C3orf49: variants seen among roughly 807,000 people sequenced by gnomAD.
C3orf49 encodes chromosome 3 open reading frame 49.
In C3orf49, 27 loss-of-function variants were observed where a neutral mutation model predicts 13.3. The ratio of observed to expected loss-of-function variants is 2.02; its 90% CI spans 1.49 to 2.79. The LOEUF (loss-of-function observed/expected upper bound fraction) is 2.79. C3orf49 is among the 30% of genes most tolerant of loss of function. The probability of loss-of-function intolerance (pLI) is 0.00; values close to 1 mark genes in which losing one functional copy is unlikely to be tolerated. For synonymous variants in C3orf49, 87 were observed against 47.6 expected, an observed-to-expected ratio of 1.83 and a Z score of -3.40; for missense variants, 242 against 134.2, an observed-to-expected ratio of 1.80 and a Z score of -3.97.
At position 63,831,715 on chromosome 3, in the gene C3orf49, C is replaced by T. The variant is rs529437102; in HGVS notation, c.720C>T (p.Ser240=). 1.4e-6 allele frequency: 1 copy of T among 702,966 alleles called. No individual in the cohort carries two copies. The highest frequency in any genetic ancestry group is 2.6e-6 in the Non-Finnish European group (1 of 385,046). The allele number at this position is 702,966 out of a possible 1,614,324, so 43.5% of individuals were successfully genotyped here. A position where few individuals can be genotyped will look rare whatever the true frequency, so the allele number is the denominator to read the frequency against. ...DDLIETVTDK[S]MKLLAQRHAE... ...TCATAGAAACAGTGACTGATAAATC[C>T]ATGAAGCTACTGGCCCAAAGACATG... Residue 240 remains serine, a synonymous_variant, in exon 5 of 7, where the codon TCC becomes TCT. Coordinates refer to ENST00000295896, the MANE Select transcript of C3orf49 (RefSeq NM_001355236.2).
the C3orf49 span, among the ~76,000 whole-genome samples, chr3:63,806,671 G>C: frequency 6.6e-6 from 1 of 151,920 alleles, no homozygotes; most frequent in East Asian, 1.9e-4. Context: ...CACTTCTCTA[G>C]TCCACCTCTA....
the C3orf49 span, among the ~76,000 whole-genome samples, chr3:63,790,221 G>A: frequency 1.3e-5 from 2 of 152,118 alleles, no homozygotes; most frequent in South Asian, 2.1e-4. Context: ...TGACCTAGCC[G>A]GATTTTCTCA....
At chr3:63,814,886 G>A (rs1441574335), upstream of C3orf49, among the ~76,000 whole-genome samples, 2 of 152,132 alleles carry the variant, frequency 1.3e-5, no homozygotes, top group African/African-American at 4.8e-5. Flanking sequence ...CTAAAAAAAA[G>A]GTTTAATTGA....
the C3orf49 span, among the ~76,000 whole-genome samples, chr3:63,807,341 A>C: frequency 6.6e-6 from 1 of 152,074 alleles, no homozygotes; most frequent in Admixed American, 6.6e-5. Context: ...TTTAATCCTC[A>C]CAACAACCCT....
the C3orf49 span, among the ~76,000 whole-genome samples, chr3:63,801,627 A>T: frequency 6.6e-6 from 1 of 152,210 alleles, no homozygotes; most frequent in South Asian, 2.1e-4. Flanking sequence ...GCATTAAATA[A>T]AGTAGTACAG....
chr3:63,802,833 C>T, the C3orf49 span, among the ~76,000 whole-genome samples: 1 of 151,962 alleles, frequency 6.6e-6, no homozygotes, highest in Admixed American at 6.6e-5. Flanking sequence ...TTATCAGACC[C>T]CCAAATCAGT....
At chr3:63,815,408 A>T (rs1701312647), upstream of C3orf49, among the ~76,000 whole-genome samples, 1 of 152,096 alleles carries the variant, frequency 6.6e-6, no homozygotes, top group African/African-American at 2.4e-5. Context: ...ATGACTTTTC[A>T]ACACTCACTT....
chr3:63,806,911 C>CA, the C3orf49 span, among the ~76,000 whole-genome samples: 1 of 151,736 alleles, frequency 6.6e-6, no homozygotes, highest in Non-Finnish European at 1.5e-5. Flanking sequence ...ACTCTAACTG[C>CA]AAAAAATGTG....
the C3orf49 span, among the ~76,000 whole-genome samples, chr3:63,804,541 A>G: frequency 6.6e-6 from 1 of 152,016 alleles, no homozygotes; most frequent in African/African-American, 2.4e-5. Flanking sequence ...TTCTTTATCT[A>G]TTCAATTCCT....
rs2678352 is a variant in C3orf49, at chr3:63,839,964, T to C, written c.850-5059T>C. On this transcript the variant is annotated intron_variant, in intron 5 of 6. Transcript: ENST00000295896. ...TTTATGTTATGCATAGTTTATGTTA[T>C]TGTATATAATAAAAAATATTTATAT... Among the ~76,000 whole-genome samples the C allele has an allele frequency of 0.18, 27,133 of 152,192 alleles. 2,447 individuals carry two copies. Among genetic ancestry groups the C allele is most frequent in the African/African-American group, 0.19 (7,749 of 41,520 alleles).
At chr3:63,810,505 T>C in the C3orf49 span, among the ~76,000 whole-genome samples, 2 of 152,208 alleles carry the variant, frequency 1.3e-5, no homozygotes, top group African/African-American at 4.8e-5. Flanking sequence ...ATCAAGCCTA[T>C]TGACCTATGG....
chr3:63,783,815 A>G, the C3orf49 span, among the ~76,000 whole-genome samples: 1 of 152,206 alleles, frequency 6.6e-6, no homozygotes. Flanking sequence ...TGAGATCTGC[A>G]GCACTAAAGA....
At chr3:63,815,023 C>G (rs910033014), upstream of C3orf49, among the ~76,000 whole-genome samples, 1 of 152,164 alleles carries the variant, frequency 6.6e-6, no homozygotes, top group Non-Finnish European at 1.5e-5. Context: ...AAAGCAGGGG[C>G]AAGAGAGAGA....
At chr3:63,816,231 T>A (rs574946736), upstream of C3orf49, among the ~76,000 whole-genome samples, 1 of 152,142 alleles carries the variant, frequency 6.6e-6, no homozygotes, top group African/African-American at 2.4e-5. Flanking sequence ...TCCACTAGAA[T>A]TGTAATTCCT....
intron 1 of C3orf49, among the ~76,000 whole-genome samples, chr3:63,821,244 T>C (rs1701390248): frequency 6.6e-6 from 1 of 152,148 alleles, no homozygotes; most frequent in South Asian, 2.1e-4. Context: ...ACTTCCCATA[T>C]ATAATTACAG....
At chr3:63,790,220 C>T in the C3orf49 span, among the ~76,000 whole-genome samples, 3 of 152,128 alleles carry the variant, frequency 2.0e-5, no homozygotes, top group African/African-American at 4.8e-5. Flanking sequence ...CTGACCTAGC[C>T]GGATTTTCTC....
At chr3:63,823,766 TTGTGTGTGTG>T (rs55765936) in intron 2 of C3orf49, among the ~76,000 whole-genome samples, 197 bp downstream of exon 2, 3,603 of 123,048 alleles carry the variant, frequency 0.029, 47 homozygotes, top group Non-Finnish European at 0.034. Context: ...GTTCATACCG[TTGTGTGTGTG>T]TGTGTGTGTG....
chr3:63,796,774 C>A, the C3orf49 span, among the ~76,000 whole-genome samples: 1 of 152,106 alleles, frequency 6.6e-6, no homozygotes, highest in Non-Finnish European at 1.5e-5. Flanking sequence ...TTAAAGTGAT[C>A]TTTTAGATCA....
At chr3:63,815,620 T>C (rs1336828663), upstream of C3orf49, among the ~76,000 whole-genome samples, 2 of 152,116 alleles carry the variant, frequency 1.3e-5, no homozygotes, top group African/African-American at 4.8e-5. Flanking sequence ...CTCAGCATAG[T>C]TTGTCTCTTT....
Sources: allele counts gnomAD v4.1 joint callset (sites outside exome capture counted in the v4.1 genomes callset), GRCh38; gene constraint gnomAD v4.1.1; transcripts MANE v1.5; gene names NCBI Gene and HGNC (gene_info 2026-07-23, HGNC 2026-07-21).